The following TBC1D23 variants were observed in gnomAD, a reference collection of about 807,000 sequenced individuals.
TBC1D23 encodes TBC1 domain family member 23.
TBC1D23 carries 55 observed loss-of-function variants against 91.4 expected under a neutral mutation model. That is an observed-to-expected ratio of 0.60 (90% CI 0.48 to 0.75). The LOEUF is 0.75. Among genes scored for constraint, TBC1D23 ranks in the 30% least tolerant of loss-of-function variants. The probability of loss-of-function intolerance (pLI) is 0.00; values close to 1 mark genes in which losing one functional copy is unlikely to be tolerated. For missense variants in TBC1D23, 725 were observed against 836.1 expected, an observed-to-expected ratio of 0.87 and a Z score of 1.64; for synonymous variants, 289 against 281.0, an observed-to-expected ratio of 1.03 and a Z score of -0.28.
At chr3:100,302,031 G>T in intron 10 of TBC1D23, 36 bp from the exon 11 acceptor site, 3 of 1,534,614 alleles carry the variant, frequency 2.0e-6, no homozygotes, top group Non-Finnish European at 2.6e-6. Flanking sequence ...TGAAACACAG[G>T]CTTGTCAAGT....
chr3:100,305,782 G>C (rs1705507187), intron 12 of TBC1D23, among the ~76,000 whole-genome samples: 1 of 152,120 alleles, frequency 6.6e-6, no homozygotes, highest in Non-Finnish European at 1.5e-5. Context: ...TTCATACCCA[G>C]AGTGATGTAC....
At chr3:100,314,638 C>A (rs997780061) in intron 15 of TBC1D23, among the ~76,000 whole-genome samples, 9 of 151,992 alleles carry the variant, frequency 5.9e-5, no homozygotes, top group Non-Finnish European at 8.8e-5. Context: ...AGTGGCACAC[C>A]CCCGTGGTCC....
At chr3:100,270,543 G>A (rs888833175) in intron 1 of TBC1D23, among the ~76,000 whole-genome samples, 3 of 152,050 alleles carry the variant, frequency 2.0e-5, no homozygotes, top group African/African-American at 7.2e-5. Flanking sequence ...TTTATATATA[G>A]GACCCTTTAA....
chr3:100,311,121 A>C (rs1249762708), intron 14 of TBC1D23, among the ~76,000 whole-genome samples: 1 of 152,174 alleles, frequency 6.6e-6, no homozygotes, highest in Non-Finnish European at 1.5e-5. Flanking sequence ...TTTTTTCTCC[A>C]CGTATAAGTC....
In TBC1D23 at chr3:100,281,805, C is replaced by T. The variant is rs762634541; in HGVS notation, c.229C>T (p.Pro77Ser). ...ATCATGGGATGGTATTTTAGACTTG[C>T]CAGAACAGAACACTATTCACAAAGA... ...LASWDGILDL[P>S]EQNTIHKDCL... The change falls in exon 3 of 19, where the codon CCA (proline) becomes TCA (serine). Residue 77 changes from proline (P) to serine (S), a missense_variant. Physicochemically the swap from Pro to Ser is moderately conservative, Grantham distance 74. Coordinates refer to ENST00000394144, the MANE Select transcript of TBC1D23 (RefSeq NM_001199198.3). The T allele has an allele frequency of 1.2e-5, 20 of 1,611,902 alleles. No individual in the cohort carries two copies. Among genetic ancestry groups the T allele is most frequent in the Non-Finnish European group, 1.7e-5 (20 of 1,178,796 alleles).
chr3:100,285,952 ACTC>A (rs1334716540), intron 4 of TBC1D23, among the ~76,000 whole-genome samples: 1 of 150,858 alleles, frequency 6.6e-6, no homozygotes, highest in Non-Finnish European at 1.5e-5. Flanking sequence ...AATCTTTTGC[ACTC>A]CTATTTTTTC....
intron 16 of TBC1D23, among the ~76,000 whole-genome samples, chr3:100,317,553 G>T (rs1705771687): frequency 6.6e-6 from 1 of 152,264 alleles, no homozygotes; most frequent in South Asian, 2.1e-4. Flanking sequence ...TGCTAAGTAA[G>T]ATTGCTAGGT....
chr3:100,324,277 T>C lies in TBC1D23; in HGVS notation c.*609T>C, dbSNP rs1486106539. On this transcript the variant is annotated 3_prime_UTR_variant, in exon 19 of 19. Transcript: ENST00000394144. ...CAGTTTCTAAATCACCTTTGCTCCATTAGCTAATTTTTTGGACACTAAATG... is the reference window on the plus strand; with the variant it reads ...CAGTTTCTAAATCACCTTTGCTCCACTAGCTAATTTTTTGGACACTAAATG... The C allele has an allele frequency of 6.6e-6, 1 of 152,156 alleles. No homozygotes were observed. Among genetic ancestry groups the C allele is most frequent in the African/African-American group, 2.4e-5 (1 of 41,452 alleles). 9.4% of individuals were successfully genotyped at this position (152,156 alleles called of 1,614,324 possible). A position where few individuals can be genotyped will look rare whatever the true frequency, so the allele number is the denominator to read the frequency against.
At chr3:100,264,201 G>A (rs1035611648) in intron 1 of TBC1D23, among the ~76,000 whole-genome samples, 1 of 152,032 alleles carries the variant, frequency 6.6e-6, no homozygotes, top group African/African-American at 2.4e-5. Context: ...ACGAGGTCTC[G>A]CCATGTTGCC....
At chr3:100,292,556 A>G (rs1303478253) in intron 5 of TBC1D23, among the ~76,000 whole-genome samples, 3 of 152,122 alleles carry the variant, frequency 2.0e-5, no homozygotes, top group African/African-American at 4.8e-5. Context: ...CTCAAACCTC[A>G]GTAACCTGTT....
rs377759166 is a variant in TBC1D23 at position 100,285,118 on chromosome 3, G to A, written c.476+1307G>A. Among the ~76,000 whole-genome samples the A allele has an allele frequency of 3.0e-4, 45 of 152,020 alleles. No individual in the cohort carries two copies. In the East Asian group the frequency reaches 8.5e-3, roughly 29 times the overall value. The stretch of plus-strand genomic sequence containing the variant: ...AGCACTTTTTCTTTTTTTAAATAAC[G>A]ACTTTATTGAGATATAATTTATATT... On this transcript the variant is annotated intron_variant, in intron 4 of 18. Coordinates refer to ENST00000394144, the MANE Select transcript of TBC1D23 (RefSeq NM_001199198.3).
rs377737584 is a variant in TBC1D23, at chr3:100,320,967, G to A, written c.2014G>A (p.Glu672Lys). The A allele has an allele frequency of 1.4e-5, 23 of 1,590,040 alleles. No homozygotes were observed. The highest frequency in any genetic ancestry group is 2.7e-5 in the African/African-American group (2 of 73,520). ...TTCAGGAATAGAAATCTTGGCAATC[G>A]AAAGGTAAGATTTTCCTTAAGATAA... ...SASGIEILAI[E>K]RYLIPNAGDA... The change falls in exon 18 of 19, where the codon GAA becomes AAA. Residue 672 changes from glutamate to lysine, a missense_variant. By Grantham distance (56) the Glu-to-Lys change is moderately conservative. Transcript: ENST00000394144.
chr3:100,297,711 T>C (rs1329188806), intron 8 of TBC1D23, among the ~76,000 whole-genome samples: 2 of 151,718 alleles, frequency 1.3e-5, no homozygotes, highest in Non-Finnish European at 2.9e-5. Context: ...TTTTTCTTAG[T>C]CTTTCATTTT....
intron 1 of TBC1D23, among the ~76,000 whole-genome samples, chr3:100,272,822 A>G (rs530983740): frequency 2.4e-4 from 37 of 152,370 alleles, no homozygotes; most frequent in African/African-American, 8.9e-4. Context: ...GCATACACAT[A>G]AACATCTCAA....
At chr3:100,289,344 A>G (rs1208496841) in intron 4 of TBC1D23, among the ~76,000 whole-genome samples, 1 of 152,240 alleles carries the variant, frequency 6.6e-6, no homozygotes, top group Non-Finnish European at 1.5e-5. Context: ...GTTATCACAA[A>G]CATGGACACA....
chr3:100,322,605 G>T (rs887006965), intron 18 of TBC1D23, among the ~76,000 whole-genome samples: 11 of 152,108 alleles, frequency 7.2e-5, no homozygotes, highest in Non-Finnish European at 1.6e-4. Flanking sequence ...GATTCAATGG[G>T]TGAGAGGTAT....
At chr3:100,273,475 C>T (rs950261750) in intron 1 of TBC1D23, among the ~76,000 whole-genome samples, 2 of 152,034 alleles carry the variant, frequency 1.3e-5, no homozygotes, top group Admixed American at 6.6e-5. Flanking sequence ...GTGCTATTCT[C>T]GTTACACTAC....
chr3:100,316,067 A>G (rs1576186969), intron 15 of TBC1D23, 32 bp from the exon 16 acceptor site: 2 of 1,516,944 alleles, frequency 1.3e-6, no homozygotes, highest in Non-Finnish European at 1.8e-6. Flanking sequence ...TTCTTAAGTG[A>G]TTATTTCTCT....
At chr3:100,303,701 T>A (rs1000393476) in intron 11 of TBC1D23, among the ~76,000 whole-genome samples, 2 of 152,086 alleles carry the variant, frequency 1.3e-5, no homozygotes, top group African/African-American at 4.8e-5. Context: ...AGCTGGGAGA[T>A]TGAGGCTGCA....
Sources: gnomAD v4.1 joint callset for allele counts (sites outside exome capture counted in the v4.1 genomes callset) on GRCh38, gnomAD v4.1.1 for gene constraint, MANE v1.5 for transcripts, NCBI Gene and HGNC (gene_info 2026-07-23, HGNC 2026-07-21) for gene names.